The following SLC4A10 variants were observed in gnomAD, a reference collection of about 807,000 sequenced individuals.
SLC4A10 encodes the protein solute carrier family 4 member 10, also known as sodium-driven chloride bicarbonate exchanger.
Under a neutral mutation model 137.7 loss-of-function variants are expected in SLC4A10, and 42 were observed. That is an observed-to-expected ratio of 0.30 (90% CI 0.24 to 0.39). The LOEUF (loss-of-function observed/expected upper bound fraction) is 0.39, where lower values mean the gene tolerates loss of function less well. Ranked by LOEUF, SLC4A10 falls within the 10% of genes least tolerant of loss-of-function variation. The pLI is 1.00. For synonymous variants in SLC4A10, 474 were observed against 464.1 expected, an observed-to-expected ratio of 1.02 and a Z score of -0.27; for missense variants, 925 against 1,355.0, an observed-to-expected ratio of 0.68 and a Z score of 4.98.
At chr2:161,687,880 G>A (rs1488989712) in intron 1 of SLC4A10, among the ~76,000 whole-genome samples, 1 of 152,084 alleles carries the variant, frequency 6.6e-6, no homozygotes, top group South Asian at 2.1e-4. Context: ...GTTTCTTGAG[G>A]CCTCCCCAGC....
At chr2:161,821,863 A>G (rs1281397849) in intron 3 of SLC4A10, among the ~76,000 whole-genome samples, 1 of 152,220 alleles carries the variant, frequency 6.6e-6, no homozygotes, top group East Asian at 1.9e-4. Context: ...CCTAATACCT[A>G]TAAAATCATT....
Position 161,836,593 on chromosome 2 carries a change from AAAGAAAGGAAGG to A in SLC4A10, c.278-3192_278-3181del, listed in dbSNP as rs1441643170. Among the ~76,000 whole-genome samples, 39 of 47,056 alleles carry A rather than the reference AAAGAAAGGAAGG, an allele frequency of 8.3e-4. 1 individual carries two copies. Among genetic ancestry groups the A allele is most frequent in the South Asian group, 1.7e-3 (2 of 1,174 alleles). The allele number at this position is 47,056 out of a possible 152,430, so 30.9% of individuals were successfully genotyped here. On this transcript the variant is annotated intron_variant, in intron 3 of 26. Coordinates refer to ENST00000446997, the MANE Select transcript of SLC4A10 (RefSeq NM_001178015.2). ...GAAAGAAAGAAAGAAAGAAAGAAAG[AAAGAAAGGAAGG>A]AAGGAAAGAAATGAAAGAAAAGAAA...
At chr2:161,657,401 G>C (rs1352596850) in intron 1 of SLC4A10, among the ~76,000 whole-genome samples, 1 of 151,946 alleles carries the variant, frequency 6.6e-6, no homozygotes, top group East Asian at 1.9e-4. Context: ...TAAAATTAAA[G>C]TGTTTCCTAA....
intron 10 of SLC4A10, among the ~76,000 whole-genome samples, chr2:161,886,480 T>C (rs932359076): frequency 3.3e-5 from 5 of 152,198 alleles, no homozygotes; most frequent in African/African-American, 1.2e-4. Context: ...GACTCATTCA[T>C]TTCTTATCAT....
At chr2:161,912,846 A>G (rs1233891612) in intron 15 of SLC4A10, among the ~76,000 whole-genome samples, 1 of 152,158 alleles carries the variant, frequency 6.6e-6, no homozygotes, top group Non-Finnish European at 1.5e-5. Flanking sequence ...AAGAGGATAT[A>G]AGAATCTAGA....
chr2:161,670,088 C>G (rs889788544), intron 1 of SLC4A10, among the ~76,000 whole-genome samples: 1 of 152,010 alleles, frequency 6.6e-6, no homozygotes, highest in African/African-American at 2.4e-5. Flanking sequence ...TAGTGAAGAT[C>G]AAATTAATTA....
chr2:161,868,153 TAAAG>T (rs746604181), intron 6 of SLC4A10, among the ~76,000 whole-genome samples: 57 of 152,036 alleles, frequency 3.7e-4, no homozygotes, highest in Non-Finnish European at 7.2e-4. Context: ...TGTGCATACT[TAAAG>T]AAGAAGAGAA....
intron 1 of SLC4A10, among the ~76,000 whole-genome samples, chr2:161,740,201 C>T (rs1286946495): frequency 6.6e-6 from 1 of 152,142 alleles, no homozygotes; most frequent in Non-Finnish European, 1.5e-5. Context: ...CCTTGGAACT[C>T]CTATCCACAA....
chr2:161,861,047 T>C (rs1022169159), intron 5 of SLC4A10, among the ~76,000 whole-genome samples: 7 of 152,226 alleles, frequency 4.6e-5, no homozygotes, highest in African/African-American at 1.7e-4. Flanking sequence ...GCTTTCTTGC[T>C]ACAAAGGCAA....
At chr2:161,885,103 G>A (rs2062142916) in intron 10 of SLC4A10, among the ~76,000 whole-genome samples, 1 of 152,098 alleles carries the variant, frequency 6.6e-6, no homozygotes, top group Non-Finnish European at 1.5e-5. Context: ...ACTTGAACCT[G>A]GGAAGTGGAG....
intron 2 of SLC4A10, among the ~76,000 whole-genome samples, chr2:161,784,197 A>T (rs151016776): frequency 2.6e-5 from 4 of 152,048 alleles, no homozygotes; most frequent in Admixed American, 2.0e-4. Context: ...AACAATTGTA[A>T]GTAGTTATGC....
At chr2:161,977,902 T>A in intron 26 of SLC4A10, 142 bp downstream of exon 26, 4 of 600,820 alleles carry the variant, frequency 6.7e-6, no homozygotes, top group Non-Finnish European at 1.1e-5. Context: ...TCAGATCCAG[T>A]AGCAGACTGA....
chr2:161,649,165 G>C (rs955371081), intron 1 of SLC4A10, among the ~76,000 whole-genome samples: 3 of 152,190 alleles, frequency 2.0e-5, no homozygotes, highest in Admixed American at 1.3e-4. Flanking sequence ...TCAAGAGTTT[G>C]AGACCAGCGT....
At chr2:161,786,717 T>A (rs993886100) in intron 2 of SLC4A10, among the ~76,000 whole-genome samples, 2 of 151,722 alleles carry the variant, frequency 1.3e-5, no homozygotes, top group Non-Finnish European at 2.9e-5. Flanking sequence ...AGTAGTGTAA[T>A]TGCTTTTTAG....
chr2:161,877,639 A>G (rs1223237230), intron 8 of SLC4A10, among the ~76,000 whole-genome samples: 1 of 152,064 alleles, frequency 6.6e-6, no homozygotes, highest in Non-Finnish European at 1.5e-5. Context: ...TTTGCTATCT[A>G]TAAACTAAAA....
intron 1 of SLC4A10, among the ~76,000 whole-genome samples, chr2:161,712,662 A>G (rs2044416234): frequency 6.6e-6 from 1 of 151,886 alleles, no homozygotes; most frequent in Non-Finnish European, 1.5e-5. Context: ...GCTGGTGATT[A>G]TTTAATGTAA....
chr2:161,728,748 C>G (rs2046505215), intron 1 of SLC4A10, among the ~76,000 whole-genome samples: 1 of 152,036 alleles, frequency 6.6e-6, no homozygotes, highest in Non-Finnish European at 1.5e-5. Flanking sequence ...CACACAAAGG[C>G]AATACAAGAA....
At chr2:161,733,076 A>G (rs2046975414) in intron 1 of SLC4A10, among the ~76,000 whole-genome samples, 1 of 152,210 alleles carries the variant, frequency 6.6e-6, no homozygotes, top group Non-Finnish European at 1.5e-5. Flanking sequence ...GCAGCCTGAC[A>G]TTGAGATAGA....
intron 10 of SLC4A10, among the ~76,000 whole-genome samples, chr2:161,886,105 A>T (rs2062256356): frequency 6.6e-6 from 1 of 152,216 alleles, no homozygotes; most frequent in Non-Finnish European, 1.5e-5. Context: ...TCTCAAAATA[A>T]ATACATAAAT....
Sources: allele counts gnomAD v4.1 joint callset (sites outside exome capture counted in the v4.1 genomes callset), GRCh38; gene constraint gnomAD v4.1.1; transcripts MANE v1.5; gene names NCBI Gene and HGNC (gene_info 2026-07-23, HGNC 2026-07-21).